Variants in SPIRE1 observed in about 807,000 individuals in gnomAD.
SPIRE1 encodes the protein protein spire homolog 1.
A neutral mutation model predicts 94.1 loss-of-function variants in SPIRE1; 40 were observed. The ratio of observed to expected loss-of-function variants is 0.43; its 90% CI spans 0.33 to 0.55. The LOEUF is 0.55. SPIRE1 is among the 20% of genes least tolerant of loss of function. The pLI is 0.06. For synonymous variants in SPIRE1, 376 were observed against 371.7 expected, an observed-to-expected ratio of 1.01 and a Z score of -0.13; for missense variants, 838 against 975.2, an observed-to-expected ratio of 0.86 and a Z score of 1.87.
intron 2 of SPIRE1, among the ~76,000 whole-genome samples, chr18:12,596,909 C>T (rs1035466580): frequency 1.4e-5 from 2 of 145,688 alleles, no homozygotes; most frequent in Non-Finnish European, 2.9e-5. Context: ...TTCCTGTTTC[C>T]TCCTTCACCT....
intron 5 of SPIRE1, among the ~76,000 whole-genome samples, chr18:12,507,753 A>G (rs1009606942): frequency 6.6e-6 from 1 of 152,122 alleles, no homozygotes; most frequent in Admixed American, 6.6e-5. Context: ...TTTGTATTAT[A>G]CTTTAACTCT....
intron 2 of SPIRE1, among the ~76,000 whole-genome samples, chr18:12,594,277 T>A (rs929088613): frequency 6.6e-6 from 1 of 152,126 alleles, no homozygotes; most frequent in African/African-American, 2.4e-5. Flanking sequence ...ACCAGAGATA[T>A]CTGTGATCAA....
At chr18:12,619,528 C>CAAATAA (rs1386848271) in intron 2 of SPIRE1, among the ~76,000 whole-genome samples, 1 of 151,170 alleles carries the variant, frequency 6.6e-6, no homozygotes, top group Non-Finnish European at 1.5e-5. Flanking sequence ...TTTAAATAAA[C>CAAATAA]AAATAAAAAT....
intron 14 of SPIRE1, 127 bp downstream of exon 14, chr18:12,452,941 G>T: frequency 1.6e-6 from 1 of 637,044 alleles, no homozygotes; most frequent in African/African-American, 1.8e-5. Context: ...ATAGCACAAG[G>T]TAACGTAACA....
intron 2 of SPIRE1, among the ~76,000 whole-genome samples, chr18:12,562,670 G>C (rs983163120): frequency 1.7e-5 from 2 of 117,754 alleles, no homozygotes; most frequent in Admixed American, 2.4e-4. Flanking sequence ...CCAATGCCTG[G>C]CTAGTTTTTA....
chr18:12,552,027 T>TG (rs1456330212), intron 2 of SPIRE1, among the ~76,000 whole-genome samples: 4 of 152,212 alleles, frequency 2.6e-5, no homozygotes, highest in African/African-American at 9.6e-5. Context: ...AGTGCTGTCC[T>TG]GTCACAGGGG....
chr18:12,647,657 G>C (rs1182596424), intron 1 of SPIRE1, among the ~76,000 whole-genome samples: 1 of 152,170 alleles, frequency 6.6e-6, no homozygotes, highest in East Asian at 1.9e-4. Flanking sequence ...AGGAGGCTGA[G>C]GTGGAAGGAT....
chr18:12,584,811 G>A (rs1165853026), intron 2 of SPIRE1, among the ~76,000 whole-genome samples: 2 of 151,760 alleles, frequency 1.3e-5, no homozygotes, highest in Non-Finnish European at 1.5e-5. Flanking sequence ...AGGGAGTCTC[G>A]CCCTGTTGCC....
chr18:12,640,367 C>A (rs1015999005), intron 1 of SPIRE1, among the ~76,000 whole-genome samples: 12 of 152,136 alleles, frequency 7.9e-5, no homozygotes, highest in African/African-American at 2.9e-4. Flanking sequence ...CTTTTTCATG[C>A]TAAAACTGAG....
At chr18:12,601,698 C>G (rs141030959) in intron 2 of SPIRE1, among the ~76,000 whole-genome samples, 33 of 152,276 alleles carry the variant, frequency 2.2e-4, no homozygotes, top group African/African-American at 7.5e-4. Context: ...TTTGCCATTT[C>G]TGGACATTTT....
intron 4 of SPIRE1, among the ~76,000 whole-genome samples, chr18:12,518,343 G>T (rs1377333903): frequency 2.0e-5 from 3 of 152,004 alleles, no homozygotes; most frequent in Non-Finnish European, 4.4e-5. Context: ...ATATGCTAAT[G>T]TAGGCCAAGT....
At chr18:12,493,015 A>G (rs2033296541) in intron 8 of SPIRE1, 57 bp downstream of exon 8, 1 of 1,536,732 alleles carries the variant, frequency 6.5e-7, no homozygotes, top group Non-Finnish European at 8.7e-7. Context: ...CTGGGTGTAT[A>G]AAGATCCTTT....
intron 12 of SPIRE1, 75 bp from the exon 13 acceptor site, chr18:12,454,558 A>C (rs2031415620): frequency 7.1e-7 from 1 of 1,405,290 alleles, no homozygotes; most frequent in African/African-American, 1.4e-5. Flanking sequence ...CCTTCAGATC[A>C]GACCCCTGAT....
chr18:12,634,917 A>G (rs1159258470), intron 2 of SPIRE1, 145 bp downstream of exon 2: 4 of 533,236 alleles, frequency 7.5e-6, no homozygotes, highest in African/African-American at 6.1e-5. Flanking sequence ...CCTGGGCGAC[A>G]AGAGCAAAAG....
intron 2 of SPIRE1, among the ~76,000 whole-genome samples, chr18:12,554,088 C>G (rs2035431556): frequency 6.6e-6 from 1 of 152,054 alleles, no homozygotes. Flanking sequence ...ATCACGAGGT[C>G]AGGAGTTCAA....
chr18:12,592,690 C>A (rs868055231), intron 2 of SPIRE1, among the ~76,000 whole-genome samples: 1 of 152,156 alleles, frequency 6.6e-6, no homozygotes, highest in African/African-American at 2.4e-5. Flanking sequence ...CATTCAATAT[C>A]GCCACAATGG....
chr18:12,657,640 C>T lies in SPIRE1; in HGVS notation c.227G>A (p.Arg76His). 2 of 1,309,312 alleles carry T rather than the reference C, an allele frequency of 1.5e-6. No individual in the cohort carries two copies. The allele number at this position is 1,309,312 out of a possible 1,614,324, so 81.1% of individuals were successfully genotyped here. Reference sequence around the variant, plus strand: ...CGAGCGCACACGGTGGCGGGGCTGGCGGCGGCGGGCGGCGGCGCGCAGGGA... The same window carrying T: ...CGAGCGCACACGGTGGCGGGGCTGGTGGCGGCGGGCGGCGGCGCGCAGGGA... ...CGSLRAAARR[R>H]QPRHRVRSAA... Residue 76 changes from arginine (R) to histidine (H), a missense_variant, in exon 1 of 17, where the codon CGC becomes CAC. Arg to His is a conservative substitution (Grantham distance 29). Coordinates refer to ENST00000409402, the MANE Select transcript of SPIRE1 (RefSeq NM_001128626.2).
At chr18:12,607,596 T>C (rs2037015498) in intron 2 of SPIRE1, among the ~76,000 whole-genome samples, 1 of 146,226 alleles carries the variant, frequency 6.8e-6, no homozygotes, top group Admixed American at 6.8e-5. Context: ...TCCACAGCAC[T>C]ACACACACAC....
intron 8 of SPIRE1, among the ~76,000 whole-genome samples, chr18:12,491,143 C>T (rs980981445): frequency 6.6e-6 from 1 of 151,500 alleles, no homozygotes; most frequent in Non-Finnish European, 1.5e-5. Context: ...GACTTATATA[C>T]AAAAACTATG....
Sources: gnomAD v4.1 joint callset for allele counts (sites outside exome capture counted in the v4.1 genomes callset) on GRCh38, gnomAD v4.1.1 for gene constraint, MANE v1.5 for transcripts, NCBI Gene and HGNC (gene_info 2026-07-23, HGNC 2026-07-21) for gene names.